The following UPF2 variants were observed in gnomAD, a reference collection of about 807,000 sequenced individuals.
The protein encoded by UPF2 is regulator of nonsense transcripts 2.
UPF2 carries 17 observed loss-of-function variants against 141.4 expected under a neutral mutation model. The observed-to-expected ratio is 0.12, with a 90% CI of 0.08 to 0.18. The LOEUF (loss-of-function observed/expected upper bound fraction) is 0.18, where lower values mean the gene tolerates loss of function less well. Ranked by LOEUF, UPF2 falls within the 10% of genes least tolerant of loss-of-function variation. The pLI is 1.00. For synonymous variants in UPF2, 540 were observed against 498.0 expected, an observed-to-expected ratio of 1.08 and a Z score of -1.12; for missense variants, 1,152 against 1,515.9, an observed-to-expected ratio of 0.76 and a Z score of 3.99.
Position 11,956,240 on chromosome 10 carries a change from C to A in UPF2, c.2574+80G>T. On this transcript the variant is annotated intron_variant, in intron 13 of 21. Coordinates refer to ENST00000357604, the MANE Select transcript of UPF2 (RefSeq NM_015542.4). This position sits in a 1 kb window ranked among gnomAD's most constrained non-coding sequence, Gnocchi z 4.2. ...CTAATAAATTTACAGATTCCTATAA[C>A]TTGAGTCTCAATAGTAACCTAGAAA... 7.7e-7 allele frequency: 1 copy of A among 1,291,702 alleles called. No individual in the cohort carries two copies. Among genetic ancestry groups the A allele is most frequent in the East Asian group, 2.4e-5 (1 of 42,518 alleles). 80.0% of individuals were successfully genotyped at this position (1,291,702 alleles called of 1,614,324 possible).
Position 11,940,800 on chromosome 10 carries a change from G to A in UPF2, c.3378+1865C>T, listed in dbSNP as rs1023098779. 6.6e-6 allele frequency among the ~76,000 whole-genome samples: 1 copy of A among 152,170 alleles called. No individual in the cohort carries two copies. The highest frequency in any genetic ancestry group is 2.4e-5 in the African/African-American group (1 of 41,424). ...TCCCTGCTTTTAGCCTTGCCCTGGT[G>A]GGTACCTCTGCCCTCCCACACAGGA... On this transcript the variant is annotated intron_variant, in intron 18 of 21. Coordinates refer to ENST00000357604, the MANE Select transcript of UPF2 (RefSeq NM_015542.4). The surrounding 1 kb of genome is among the most constrained non-coding windows in gnomAD (Gnocchi z 4.2).
In UPF2 at chr10:11,980,541, T is replaced by C. The variant is rs964884271; in HGVS notation, c.1845-1376A>G. ...CAGGCAGATCACCTGGAGACCAGCC[T>C]GGCCAATATGGTGAAACCCCATCTC... On this transcript the variant is annotated intron_variant, in intron 8 of 21. Transcript: ENST00000357604. The surrounding 1 kb of genome is among the most constrained non-coding windows in gnomAD (Gnocchi z 4.2). Among the ~76,000 whole-genome samples the C allele has an allele frequency of 5.3e-5, 8 of 151,894 alleles. No homozygotes were observed. Among genetic ancestry groups the C allele is most frequent in the East Asian group, 3.9e-4 (2 of 5,166 alleles).
At chr10:12,031,122 C>T (rs956883391) in intron 2 of UPF2, among the ~76,000 whole-genome samples, 2 of 142,834 alleles carry the variant, frequency 1.4e-5, no homozygotes, top group African/African-American at 2.6e-5. Flanking sequence ...TGCAGTGAGC[C>T]GATATAGTGC....
intron 8 of UPF2, among the ~76,000 whole-genome samples, chr10:11,993,874 G>C (rs534346597): frequency 6.6e-6 from 1 of 152,034 alleles, no homozygotes; most frequent in Admixed American, 6.6e-5. Flanking sequence ...CTGTGGTCCC[G>C]GCTACTTGCG....
In UPF2 at chr10:11,943,105, T is replaced by C; in HGVS notation, c.3238A>G (p.Thr1080Ala). 6.2e-7 allele frequency: 1 copy of C among 1,612,548 alleles called. No individual in the cohort carries two copies. Residue 1080 changes from threonine to alanine, a missense_variant, in exon 17 of 22, where the codon ACA becomes GCA. By Grantham distance (58) the Thr-to-Ala change is moderately conservative. This residue lies in a region of UPF2 where 202 missense variants were observed against 223.6 expected (regional missense o/e 0.90). Coordinates refer to ENST00000357604, the MANE Select transcript of UPF2 (RefSeq NM_015542.4). Reference protein sequence around the residue: ...EEEEENTDYLTDSNKENETDE... With the variant: ...EEEEENTDYLADSNKENETDE... ...GTTTCATTTTCCTTATTGGAATCTGTAAGGTAATCTGTATTCTCTTCCTCC... is the reference window on the plus strand; with the variant it reads ...GTTTCATTTTCCTTATTGGAATCTGCAAGGTAATCTGTATTCTCTTCCTCC...
chr10:11,996,687 C>T (rs1396241024), intron 8 of UPF2, among the ~76,000 whole-genome samples: 1 of 152,186 alleles, frequency 6.6e-6, no homozygotes, highest in African/African-American at 2.4e-5. Context: ...ATCCATATGA[C>T]TTCTTCAATT....
At position 12,004,514 on chromosome 10, in the gene UPF2, T is replaced by C; in HGVS notation, c.1504+16A>G. The C allele has an allele frequency of 6.3e-7, 1 of 1,587,986 alleles. No individual in the cohort carries two copies. The highest frequency in any genetic ancestry group is 8.6e-7 in the Non-Finnish European group (1 of 1,167,916). On this transcript the variant is annotated intron_variant, in intron 5 of 21. Coordinates refer to ENST00000357604, the MANE Select transcript of UPF2 (RefSeq NM_015542.4). ...CTTATAGCACTTAATGTAAATATTT[T>C]TTCTCTAGAATTTACCTTTGGTATC...
intron 2 of UPF2, among the ~76,000 whole-genome samples, chr10:12,034,479 T>C (rs1007964788): frequency 6.6e-6 from 1 of 151,780 alleles, no homozygotes; most frequent in Non-Finnish European, 1.5e-5. Context: ...TGCGCCACCA[T>C]GCCTGACTAA....
chr10:11,961,832 T>C lies in UPF2; in HGVS notation c.2184+2177A>G, dbSNP rs1380285128. On this transcript the variant is annotated intron_variant, in intron 11 of 21. Coordinates refer to ENST00000357604, the MANE Select transcript of UPF2 (RefSeq NM_015542.4). ...TTTCTATCTGTGCGAAATCATCATA[T>C]ACTAGGAGAAAGTTTTGCTATTTAT... 2.6e-5 allele frequency among the ~76,000 whole-genome samples: 4 copies of C among 152,368 alleles called. No individual in the cohort carries two copies. In the East Asian group the frequency reaches 5.8e-4, roughly 22 times the overall value.
At chr10:11,957,740 AT>A (rs1185429065) in intron 12 of UPF2, among the ~76,000 whole-genome samples, 1 of 152,138 alleles carries the variant, frequency 6.6e-6, no homozygotes, top group East Asian at 1.9e-4. Flanking sequence ...CTAGTCTCGA[AT>A]TCCCGGCCTC....
intron 11 of UPF2, among the ~76,000 whole-genome samples, 198 bp downstream of exon 11, chr10:11,963,811 T>G (rs902380071): frequency 1.3e-5 from 2 of 152,242 alleles, no homozygotes; most frequent in Non-Finnish European, 2.9e-5. Flanking sequence ...TACTGTGAAC[T>G]CGCTGGTAGC....
intron 15 of UPF2, 86 bp downstream of exon 15, chr10:11,951,980 G>T: frequency 7.5e-7 from 1 of 1,338,782 alleles, no homozygotes; most frequent in Non-Finnish European, 1.1e-6. Context: ...TACAATGTAA[G>T]CTCTGACTGG....
In UPF2 at chr10:12,042,020, G is replaced by A. The variant is rs895743211; in HGVS notation, c.-19+735C>T. On this transcript the variant is annotated intron_variant, in intron 1 of 21. Transcript: ENST00000357604. This position sits in a 1 kb window ranked among gnomAD's most constrained non-coding sequence, Gnocchi z 5.5. Reference sequence around the variant, plus strand: ...GTCCAACAGTCCTAGCAAGAAGAGAGTGCTTGGCGCCTTGAAGAGGTGAAG... The same window carrying A: ...GTCCAACAGTCCTAGCAAGAAGAGAATGCTTGGCGCCTTGAAGAGGTGAAG... 6.6e-6 allele frequency among the ~76,000 whole-genome samples: 1 copy of A among 152,158 alleles called. No individual in the cohort carries two copies. Among genetic ancestry groups the A allele is most frequent in the Non-Finnish European group, 1.5e-5 (1 of 68,030 alleles).
intron 3 of UPF2, among the ~76,000 whole-genome samples, chr10:12,024,295 G>C (rs1474905424): frequency 1.3e-5 from 2 of 151,644 alleles, no homozygotes; most frequent in Non-Finnish European, 2.9e-5. Flanking sequence ...ATATCTCTAT[G>C]TTTACAAAAA....
Position 11,952,058 on chromosome 10 carries a change from T to C in UPF2, c.3034+8A>G. On this transcript the variant is annotated splice_region_variant and intron_variant, in intron 15 of 21. Transcript: ENST00000357604. ...ACCTTCATTTTCTGTCTGCAATCAA[T>C]TGCTTACCTAGTTTTATTAAGAATT... The C allele has an allele frequency of 1.2e-6, 2 of 1,612,600 alleles. No homozygotes were observed. The highest frequency in any genetic ancestry group is 2.2e-5 in the South Asian group (2 of 90,804).
intron 16 of UPF2, among the ~76,000 whole-genome samples, chr10:11,944,302 T>A (rs1832973952): frequency 6.6e-6 from 1 of 152,286 alleles, no homozygotes; most frequent in South Asian, 2.1e-4. Flanking sequence ...AAGACCAGCC[T>A]GGCCAACATG....
At position 11,936,694 on chromosome 10, in the gene UPF2, C is replaced by A. The variant is rs771856993; in HGVS notation, c.3397G>T (p.Val1133Phe). 2.9e-5 allele frequency: 47 copies of A among 1,607,776 alleles called. No homozygotes were observed. The highest frequency in any genetic ancestry group is 3.9e-5 in the Non-Finnish European group (46 of 1,177,350). ...GCAACATCTAGTTGGTGCACTTTAA[C>A]AGATTCACCACTTCGTTGCTAAAAG... is the stretch of plus-strand genomic sequence containing the variant. Reference protein sequence around the residue: ...ENLQQRSGESVKVHQLDVAIP... With the variant: ...ENLQQRSGESFKVHQLDVAIP... The change falls in exon 19 of 22, where the codon GTT (valine) becomes TTT (phenylalanine). Residue 1133 changes from valine to phenylalanine, a missense_variant. Physicochemically the swap from Val to Phe is conservative, Grantham distance 50. Coordinates refer to ENST00000357604, the MANE Select transcript of UPF2 (RefSeq NM_015542.4). The surrounding 1 kb of genome is among the most constrained non-coding windows in gnomAD (Gnocchi z 6.6).
At chr10:12,015,904 C>T (rs1834210275) in intron 3 of UPF2, among the ~76,000 whole-genome samples, 1 of 152,026 alleles carries the variant, frequency 6.6e-6, no homozygotes, top group South Asian at 2.1e-4. Flanking sequence ...TATCATTCTA[C>T]CAACACATTA....
rs1462586189 is a variant in UPF2 at position 11,980,363 on chromosome 10, C to T, written c.1845-1198G>A. 1.3e-5 allele frequency among the ~76,000 whole-genome samples: 2 copies of T among 152,150 alleles called. No individual in the cohort carries two copies. The highest frequency in any genetic ancestry group is 2.9e-5 in the Non-Finnish European group (2 of 68,034). Reference sequence around the variant, plus strand: ...ATGGAGCTGACAGTGAGAGAGGAAGCTAAAAACTATAAAATTACAAGAGCT... The same window carrying T: ...ATGGAGCTGACAGTGAGAGAGGAAGTTAAAAACTATAAAATTACAAGAGCT... On this transcript the variant is annotated intron_variant, in intron 8 of 21. Transcript: ENST00000357604. This position sits in a 1 kb window ranked among gnomAD's most constrained non-coding sequence, Gnocchi z 4.2.
Sources: gnomAD v4.1 joint callset for allele counts (sites outside exome capture counted in the v4.1 genomes callset) on GRCh38, gnomAD v4.1.1 for gene constraint, gnomAD v4.1.1 regional missense constraint, Gnocchi (gnomAD v3.1) non-coding constraint, MANE v1.5 for transcripts, NCBI Gene and HGNC (gene_info 2026-07-23, HGNC 2026-07-21) for gene names.